The following CSMD1 variants were observed in gnomAD, a reference collection of about 807,000 sequenced individuals.
CSMD1 encodes the protein CUB and Sushi multiple domains 1.
In CSMD1, 213 loss-of-function variants were observed where a neutral mutation model predicts 417.5. The ratio of observed to expected loss-of-function variants is 0.51; its 90% CI spans 0.46 to 0.57. The LOEUF (loss-of-function observed/expected upper bound fraction) is 0.57, where lower values mean the gene tolerates loss of function less well. Among genes scored for constraint, CSMD1 ranks in the 20% least tolerant of loss-of-function variants. The probability of loss-of-function intolerance (pLI) is 0.00; values close to 1 mark genes in which losing one functional copy is unlikely to be tolerated. For missense variants in CSMD1, 6,923 were observed against 4,529.7 expected, an observed-to-expected ratio of 1.53 and a Z score of -15.17; for synonymous variants, 2,862 against 1,736.8, an observed-to-expected ratio of 1.65 and a Z score of -16.11.
chr8:4,895,267 G>C (rs867521949), intron 1 of CSMD1, among the ~76,000 whole-genome samples: 10 of 152,130 alleles, frequency 6.6e-5, no homozygotes, highest in African/African-American at 2.4e-4. Context: ...TCTGACTCAG[G>C]TGTGTTACGA....
intron 7 of CSMD1, among the ~76,000 whole-genome samples, chr8:3,692,494 TGCACTGGCGC>T (rs35926216): frequency 0.039 from 5,969 of 151,700 alleles, 404 homozygotes; most frequent in African/African-American, 0.14. Context: ...CAGGCTGGAG[TGCACTGGCGC>T]GATATCGGCT....
chr8:3,768,299 A>T (rs1465149038), intron 5 of CSMD1, among the ~76,000 whole-genome samples: 1 of 152,170 alleles, frequency 6.6e-6, no homozygotes, highest in African/African-American at 2.4e-5. Flanking sequence ...TGGTTGGTTC[A>T]CCTTCCCACT....
chr8:4,425,626 C>G (rs1459777548), intron 2 of CSMD1, among the ~76,000 whole-genome samples: 1 of 152,066 alleles, frequency 6.6e-6, no homozygotes, highest in East Asian at 1.9e-4. Context: ...CATGAGGGCC[C>G]TTGCGATACA....
At chr8:3,475,832 G>A (rs957315369) in intron 11 of CSMD1, among the ~76,000 whole-genome samples, 2 of 152,206 alleles carry the variant, frequency 1.3e-5, no homozygotes, top group Admixed American at 6.6e-5. Context: ...CACTTTGTGA[G>A]TACCTTTAAC....
At chr8:3,141,836 C>G (rs542758825) in intron 41 of CSMD1, among the ~76,000 whole-genome samples, 22 of 148,958 alleles carry the variant, frequency 1.5e-4, no homozygotes, top group African/African-American at 2.5e-4. Context: ...CTGGCTCTGT[C>G]GCCCAGGCTG....
In CSMD1 at chr8:3,548,882, C is replaced by A. The variant is rs74797825; in HGVS notation, c.1344+26063G>T. 1.1e-3 allele frequency among the ~76,000 whole-genome samples: 167 copies of A among 152,172 alleles called. 1 individual carries two copies. Among genetic ancestry groups the A allele is most frequent in the African/African-American group, 3.9e-3 (161 of 41,528 alleles). ...CTGGGCTGGGTCCCGCTCCCTACCC[C>A]GAGTCCACATCCTCCCCTTCTCACC... is the stretch of plus-strand genomic sequence containing the variant. On this transcript the variant is annotated intron_variant, in intron 10 of 69. Transcript: ENST00000635120.
intron 10 of CSMD1, among the ~76,000 whole-genome samples, chr8:3,507,742 T>G (rs947357904): frequency 1.3e-5 from 2 of 152,240 alleles, no homozygotes; most frequent in African/African-American, 2.4e-5. Flanking sequence ...GATTTGCATT[T>G]CTCTGATGGC....
At chr8:3,717,746 C>T (rs1009763414) in intron 6 of CSMD1, among the ~76,000 whole-genome samples, 23 of 152,066 alleles carry the variant, frequency 1.5e-4, no homozygotes, top group Non-Finnish European at 2.9e-4. Flanking sequence ...ATTATTCTGC[C>T]TTTATGACCT....
At chr8:4,217,192 C>G (rs942089457) in intron 3 of CSMD1, among the ~76,000 whole-genome samples, 1 of 152,114 alleles carries the variant, frequency 6.6e-6, no homozygotes. Flanking sequence ...GCTTATCATG[C>G]AAAGTTATAG....
chr8:4,298,927 T>C (rs1180294907), intron 3 of CSMD1, among the ~76,000 whole-genome samples: 1 of 152,020 alleles, frequency 6.6e-6, no homozygotes, highest in East Asian at 1.9e-4. Context: ...CACACATAAA[T>C]ACATAAACAC....
At chr8:4,530,984 G>A (rs1315305455) in intron 2 of CSMD1, among the ~76,000 whole-genome samples, 1 of 152,060 alleles carries the variant, frequency 6.6e-6, no homozygotes, top group Non-Finnish European at 1.5e-5. Context: ...GCACCAAGAT[G>A]TGAGGCAAAT....
intron 10 of CSMD1, among the ~76,000 whole-genome samples, chr8:3,496,937 T>G (rs1341117187): frequency 1.3e-5 from 2 of 152,266 alleles, no homozygotes. Flanking sequence ...TTTCCATGTA[T>G]TCGTACAATT....
At chr8:4,396,342 C>G (rs530787174) in intron 3 of CSMD1, among the ~76,000 whole-genome samples, 2 of 151,758 alleles carry the variant, frequency 1.3e-5, no homozygotes, top group Admixed American at 1.3e-4. Context: ...TAGCATGCAC[C>G]TGTACTCCCA....
At chr8:3,485,735 G>C (rs1209310719) in intron 11 of CSMD1, among the ~76,000 whole-genome samples, 3 of 148,384 alleles carry the variant, frequency 2.0e-5, no homozygotes, top group East Asian at 2.0e-4. Context: ...ACTACAGCCT[G>C]GGTGACAGAG....
intron 5 of CSMD1, among the ~76,000 whole-genome samples, chr8:3,957,082 T>C (rs1267698065): frequency 1.3e-5 from 2 of 152,138 alleles, no homozygotes; most frequent in African/African-American, 2.4e-5. Flanking sequence ...GGGGAGGCTC[T>C]GTATATGTCT....
At chr8:4,392,052 G>C (rs767279973) in intron 3 of CSMD1, among the ~76,000 whole-genome samples, 1 of 152,162 alleles carries the variant, frequency 6.6e-6, no homozygotes, top group Admixed American at 6.5e-5. Context: ...GGGGCAATGC[G>C]ACCCTGTGGG....
chr8:4,459,934 C>G (rs1168490845), intron 2 of CSMD1, among the ~76,000 whole-genome samples: 4 of 152,152 alleles, frequency 2.6e-5, no homozygotes, highest in Admixed American at 1.3e-4. Flanking sequence ...AATGACTGTT[C>G]TACTCATTTT....
At chr8:3,213,453 C>G (rs969496122) in intron 30 of CSMD1, among the ~76,000 whole-genome samples, 3 of 152,152 alleles carry the variant, frequency 2.0e-5, no homozygotes, top group African/African-American at 7.2e-5. Context: ...GAAGTCTACC[C>G]TCCCACTCTT....
chr8:4,750,148 G>A (rs962433455), intron 1 of CSMD1, among the ~76,000 whole-genome samples: 2 of 152,240 alleles, frequency 1.3e-5, no homozygotes, highest in Admixed American at 1.3e-4. Context: ...TGGGACTACA[G>A]GCGCCCGCCA....
Sources: gnomAD v4.1 joint callset for allele counts (sites outside exome capture counted in the v4.1 genomes callset) on GRCh38, gnomAD v4.1.1 for gene constraint, MANE v1.5 for transcripts, NCBI Gene and HGNC (gene_info 2026-07-23, HGNC 2026-07-21) for gene names.